EFCAB6: variants seen among roughly 807,000 people sequenced by gnomAD.
The protein encoded by EFCAB6 is EF-hand calcium binding domain 6, also known as EF-hand calcium-binding domain-containing protein 6.
EFCAB6 carries 156 observed loss-of-function variants against 169.8 expected under a neutral mutation model. The observed-to-expected ratio is 0.92, with a 90% confidence interval of 0.81 to 1.05. The LOEUF (loss-of-function observed/expected upper bound fraction) is 1.05. Among genes scored for constraint, EFCAB6 ranks in the 50% least tolerant of loss-of-function variants. EFCAB6 has a pLI of 0.00. For synonymous variants in EFCAB6, 698 were observed against 676.4 expected (o/e 1.03, Z -0.50); for missense variants, 1,800 against 1,829.1 (o/e 0.98, Z 0.29).
intron 2 of EFCAB6, chr22:43,802,495 C>T (rs985456488): frequency 3.2e-5 from 10 of 308,724 alleles, no homozygotes; most frequent in Non-Finnish European, 6.3e-5. Context: ...CATGCCACTG[C>T]ACTTCAACCT....
At chr22:43,673,843 T>C (rs1241063081) in intron 13 of EFCAB6, among the ~76,000 whole-genome samples, 1 of 151,836 alleles carries the variant, frequency 6.6e-6, no homozygotes, top group African/African-American at 2.4e-5. Flanking sequence ...AACAGTATGT[T>C]AATAAGTGAC....
At chr22:43,794,900 A>G (rs1188251265) in intron 2 of EFCAB6, among the ~76,000 whole-genome samples, 2 of 152,234 alleles carry the variant, frequency 1.3e-5, no homozygotes, top group Non-Finnish European at 2.9e-5. Context: ...ATCACAAAAA[A>G]CAATTTAGCC....
At chr22:43,746,147 G>A (rs1328836498) in intron 6 of EFCAB6, among the ~76,000 whole-genome samples, 7 of 152,154 alleles carry the variant, frequency 4.6e-5, no homozygotes, top group South Asian at 2.1e-4. Flanking sequence ...GCCGGGCATC[G>A]CTCACCTTTC....
chr22:43,687,575 TC>T lies in EFCAB6; in HGVS notation c.1037del (p.Gly346AspfsTer14), dbSNP rs2058252536. The T allele has an allele frequency of 6.3e-7, 1 of 1,585,674 alleles. No homozygotes were observed. Among genetic ancestry groups the T allele is most frequent in the African/African-American group, 1.4e-5 (1 of 73,696 alleles). On this transcript the variant is annotated frameshift_variant, in exon 11 of 32. Coordinates refer to ENST00000262726, the MANE Select transcript of EFCAB6 (RefSeq NM_022785.4). LOFTEE classifies it high-confidence loss of function. ...AATTGATTTTAGTGGTGGCTTTAAGTCCAAATCTGGATTTAAAAGTAACAAC... is the reference window on the plus strand; with the variant it reads ...AATTGATTTTAGTGGTGGCTTTAAGTCAAATCTGGATTTAAAAGTAACAAC... ...RIFIQLMKRF[G>X]LKATTKINWK...
intron 7 of EFCAB6, 24 bp downstream of exon 7, chr22:43,735,833 C>T (rs768330317): frequency 6.2e-7 from 1 of 1,611,386 alleles, no homozygotes; most frequent in Non-Finnish European, 8.5e-7. Flanking sequence ...TGAGCAATCT[C>T]TCACCGTGCC....
At chr22:43,807,702 G>T (rs766753428) in intron 2 of EFCAB6, among the ~76,000 whole-genome samples, 1 of 152,116 alleles carries the variant, frequency 6.6e-6, no homozygotes, top group Admixed American at 6.5e-5. Context: ...ATTATCACTC[G>T]ACTAAATTGG....
Position 43,711,562 on chromosome 22 carries a change from C to A in EFCAB6, c.944G>T (p.Gly315Val). 6.2e-7 allele frequency: 1 copy of A among 1,604,598 alleles called. No homozygotes were observed. Residue 315 changes from glycine (G) to valine (V), a missense_variant, in exon 10 of 32, where the codon GGC becomes GTC. Coordinates refer to ENST00000262726, the MANE Select transcript of EFCAB6 (RefSeq NM_022785.4). ...ALSAGDPCKG[G>V]YVSFNYLKIV... ...CTTTAGATAATTAAAAGACACGTAGCCACCTTTACAGGGGTCCCCTGCACT... is the reference window on the plus strand; with the variant it reads ...CTTTAGATAATTAAAAGACACGTAGACACCTTTACAGGGGTCCCCTGCACT...
chr22:43,742,473 G>C (rs899809019), intron 6 of EFCAB6, among the ~76,000 whole-genome samples: 5 of 152,214 alleles, frequency 3.3e-5, no homozygotes, highest in Non-Finnish European at 7.3e-5. Context: ...ATCTGAGTGG[G>C]TGAGGAAGTT....
intron 6 of EFCAB6, among the ~76,000 whole-genome samples, chr22:43,740,465 T>C (rs2060328212): frequency 6.6e-6 from 1 of 152,194 alleles, no homozygotes; most frequent in South Asian, 2.1e-4. Context: ...CTCAGTCGAC[T>C]GGCCCCTGCA....
intron 21 of EFCAB6, among the ~76,000 whole-genome samples, chr22:43,615,258 T>A (rs2053611107): frequency 6.6e-6 from 1 of 152,242 alleles, no homozygotes; most frequent in African/African-American, 2.4e-5. Flanking sequence ...GTTTTGCACA[T>A]GCAGTTCTAT....
At position 43,530,952 on chromosome 22, in the gene EFCAB6, C is replaced by T. The variant is rs762874796; in HGVS notation, c.4246G>A (p.Ala1416Thr). The change falls in exon 31 of 32, where the codon GCG becomes ACG. Residue 1416 changes from alanine to threonine, a missense_variant. Coordinates refer to ENST00000262726, the MANE Select transcript of EFCAB6 (RefSeq NM_022785.4). ...QNAHKMKEAG[A>T]ETPSFYSALL... ...GCAGAGTAAAAAGATGGCGTCTCCGCGCCGGCTTCTTTCTAGACACAAGAC... is the reference window on the plus strand; with the variant it reads ...GCAGAGTAAAAAGATGGCGTCTCCGTGCCGGCTTCTTTCTAGACACAAGAC... 3 of 1,614,090 alleles carry T rather than the reference C, an allele frequency of 1.9e-6. No individual in the cohort carries two copies. Among genetic ancestry groups the T allele is most frequent in the Admixed American group, 1.7e-5 (1 of 60,012 alleles).
At chr22:43,728,567 G>C (rs182512556) in intron 8 of EFCAB6, among the ~76,000 whole-genome samples, 1 of 152,240 alleles carries the variant, frequency 6.6e-6, no homozygotes, top group African/African-American at 2.4e-5. Flanking sequence ...ATCCTCTCCA[G>C]CATCTGTTGT....
Position 43,615,829 on chromosome 22 carries a change from A to C in EFCAB6, c.2559T>G (p.Ser853=). Residue 853 remains serine (S), a synonymous_variant, in exon 21 of 32, where the codon TCT becomes TCG. Coordinates refer to ENST00000262726, the MANE Select transcript of EFCAB6 (RefSeq NM_022785.4). ...AAGGAAATAATCATTTTCTTACCTT[A>C]GACAAGTCTGACCATCTGTTTTTTG... is the stretch of plus-strand genomic sequence containing the variant. ...TKAKNRWSDL[S]KNFLETDNEG... 6.2e-7 allele frequency: 1 copy of C among 1,612,122 alleles called. No homozygotes were observed. The highest frequency in any genetic ancestry group is 8.5e-7 in the Non-Finnish European group (1 of 1,178,980).
chr22:43,784,556 T>C (rs796282501), intron 2 of EFCAB6, among the ~76,000 whole-genome samples: 15 of 73,060 alleles, frequency 2.1e-4, no homozygotes, highest in East Asian at 1.5e-3. Flanking sequence ...TATGTATATA[T>C]ACACATATAT....
chr22:43,678,275 A>C, intron 12 of EFCAB6, 112 bp from the exon 13 acceptor site: 4 of 1,022,950 alleles, frequency 3.9e-6, no homozygotes, highest in East Asian at 5.4e-5. Flanking sequence ...GCCAAATAGA[A>C]TTATGATTGG....
At chr22:43,555,199 G>A in intron 26 of EFCAB6, 103 bp from the exon 27 acceptor site, 2 of 1,203,448 alleles carry the variant, frequency 1.7e-6, no homozygotes, top group Non-Finnish European at 2.3e-6. Flanking sequence ...CCAGCGTGGT[G>A]GGGAGGAGAG....
chr22:43,638,376 G>C (rs2055569261), intron 17 of EFCAB6, among the ~76,000 whole-genome samples: 1 of 152,198 alleles, frequency 6.6e-6, no homozygotes, highest in Non-Finnish European at 1.5e-5. Flanking sequence ...CTCAAAGACT[G>C]ACAAACTATG....
intron 22 of EFCAB6, among the ~76,000 whole-genome samples, chr22:43,605,235 G>A (rs1291914650): frequency 6.6e-6 from 1 of 152,190 alleles, no homozygotes; most frequent in Non-Finnish European, 1.5e-5. Context: ...CTGGGTGTAG[G>A]CCAAGCTAAC....
intron 27 of EFCAB6, among the ~76,000 whole-genome samples, chr22:43,541,572 G>C (rs1302497653): frequency 6.6e-6 from 1 of 151,968 alleles, no homozygotes; most frequent in African/African-American, 2.4e-5. Flanking sequence ...GATTCGTGTT[G>C]ATTGCATTCT....
Sources: allele counts gnomAD v4.1 joint callset (sites outside exome capture counted in the v4.1 genomes callset), GRCh38; gene constraint gnomAD v4.1.1; transcripts MANE v1.5; gene names NCBI Gene and HGNC (gene_info 2026-07-23, HGNC 2026-07-21).